Variants in BBS9 observed in about 807,000 individuals in gnomAD.
The protein encoded by BBS9 is protein PTHB1.
Under a neutral mutation model 117.7 loss-of-function variants are expected in BBS9, and 89 were observed. The ratio of observed to expected loss-of-function variants is 0.76; its 90% CI spans 0.64 to 0.90. BBS9 has a LOEUF of 0.90. Among genes scored for constraint, BBS9 ranks in the 40% least tolerant of loss-of-function variants. The pLI, the probability that BBS9 is intolerant of heterozygous loss-of-function variation, is 0.00. For synonymous variants in BBS9, 379 were observed against 370.9 expected, an observed-to-expected ratio of 1.02 and a Z score of -0.25; for missense variants, 982 against 1,042.2, an observed-to-expected ratio of 0.94 and a Z score of 0.80.
Position 33,357,975 on chromosome 7 carries a change from G to A in BBS9, c.1673G>A (p.Ser558Asn), listed in dbSNP as rs575057023. The part of the protein sequence containing the change: ...ITIDTNKSPV[S>N]LLSLFPGFAS... Reference sequence around the variant, plus strand: ...ATTGATACCAACAAATCTCCAGTCAGTCTTCTTAGTCTCTTCCCAGGTAAG... The same window carrying A: ...ATTGATACCAACAAATCTCCAGTCAATCTTCTTAGTCTCTTCCCAGGTAAG... The change falls in exon 16 of 23, where the codon AGT becomes AAT. Residue 558 changes from serine to asparagine, a missense_variant. Ser to Asn is a conservative substitution (Grantham distance 46). Coordinates refer to ENST00000242067, the MANE Select transcript of BBS9 (RefSeq NM_198428.3). 3 of 1,612,298 alleles carry A rather than the reference G, an allele frequency of 1.9e-6. No individual in the cohort carries two copies. In the African/African-American group the frequency reaches 4.0e-5, roughly 22 times the overall value.
chr7:33,279,571 A>C (rs79394847), intron 9 of BBS9, among the ~76,000 whole-genome samples: 2 of 152,168 alleles, frequency 1.3e-5, no homozygotes, highest in African/African-American at 4.8e-5. Context: ...GATCAAGTTG[A>C]TGCAATTATA....
chr7:33,317,548 G>A (rs1435557421), intron 9 of BBS9, among the ~76,000 whole-genome samples: 1 of 152,044 alleles, frequency 6.6e-6, no homozygotes, highest in East Asian at 1.9e-4. Flanking sequence ...TCGTCCATAA[G>A]GCTATTGGGG....
chr7:33,349,790 T>C (rs1818299083), intron 13 of BBS9, among the ~76,000 whole-genome samples: 1 of 152,168 alleles, frequency 6.6e-6, no homozygotes, highest in South Asian at 2.1e-4. Context: ...AGTGATCTAT[T>C]TATTGAATCG....
intron 5 of BBS9, among the ~76,000 whole-genome samples, chr7:33,198,136 A>G (rs902737166): frequency 1.7e-4 from 26 of 152,050 alleles, no homozygotes; most frequent in African/African-American, 6.0e-4. Flanking sequence ...ATTTGCGAAC[A>G]TGAACCTTTT....
intron 19 of BBS9, among the ~76,000 whole-genome samples, chr7:33,395,828 A>T (rs1471998595): frequency 6.6e-6 from 1 of 152,186 alleles, no homozygotes; most frequent in South Asian, 2.1e-4. Context: ...GATAACACAG[A>T]GGAATATATA....
At chr7:33,630,502 T>C (rs1311704854) in intron 21 of BBS9, among the ~76,000 whole-genome samples, 2 of 152,192 alleles carry the variant, frequency 1.3e-5, no homozygotes, top group Non-Finnish European at 1.5e-5. Flanking sequence ...CCCCTACCCC[T>C]GCGTCCGTTA....
chr7:33,616,016 G>C (rs1212846847), intron 21 of BBS9, among the ~76,000 whole-genome samples: 2 of 152,028 alleles, frequency 1.3e-5, no homozygotes, highest in African/African-American at 4.8e-5. Context: ...GGAATTTGTT[G>C]TCAGCAGACC....
At chr7:33,418,473 A>G (rs1023802212) in intron 19 of BBS9, among the ~76,000 whole-genome samples, 3 of 152,046 alleles carry the variant, frequency 2.0e-5, no homozygotes, top group Non-Finnish European at 2.9e-5. Context: ...TTTTTTGCCA[A>G]CCTTTGGGGC....
intron 19 of BBS9, among the ~76,000 whole-genome samples, chr7:33,398,742 A>T (rs189946405): frequency 1.3e-5 from 2 of 152,294 alleles, no homozygotes; most frequent in African/African-American, 4.8e-5. Context: ...TATTTAATTA[A>T]TTAATTTATT....
chr7:33,243,539 CTT>C (rs1232105011), intron 5 of BBS9, among the ~76,000 whole-genome samples: 4 of 152,154 alleles, frequency 2.6e-5, no homozygotes, highest in African/African-American at 4.8e-5. Flanking sequence ...TTCCAGAACT[CTT>C]AGAGTAGTGA....
At chr7:33,436,489 G>A (rs1432811194) in intron 19 of BBS9, among the ~76,000 whole-genome samples, 2 of 152,114 alleles carry the variant, frequency 1.3e-5, no homozygotes, top group African/African-American at 4.8e-5. Flanking sequence ...ATTGATACTT[G>A]TAATTACATT....
At chr7:33,529,720 A>G (rs1850272424) in intron 20 of BBS9, among the ~76,000 whole-genome samples, 1 of 151,838 alleles carries the variant, frequency 6.6e-6, no homozygotes, top group Non-Finnish European at 1.5e-5. Flanking sequence ...TGTGGATTTG[A>G]GGACTATAAC....
intron 9 of BBS9, among the ~76,000 whole-genome samples, chr7:33,313,344 T>A (rs778610681): frequency 5.4e-4 from 82 of 152,180 alleles, no homozygotes; most frequent in Admixed American, 1.7e-3. Flanking sequence ...GCTAAATAAA[T>A]ATTTTTTCAT....
At chr7:33,563,310 TG>T (rs1167809596) in intron 21 of BBS9, among the ~76,000 whole-genome samples, 2 of 152,196 alleles carry the variant, frequency 1.3e-5, no homozygotes, top group African/African-American at 2.4e-5. Flanking sequence ...CACTGGAACC[TG>T]GGATCTGGAA....
chr7:33,254,678 C>G (rs1357612047), intron 5 of BBS9, among the ~76,000 whole-genome samples: 1 of 152,106 alleles, frequency 6.6e-6, no homozygotes, highest in East Asian at 1.9e-4. Flanking sequence ...CATCCCTGAC[C>G]CCTGGTAAGC....
intron 17 of BBS9, among the ~76,000 whole-genome samples, chr7:33,368,367 AT>A (rs1432640299): frequency 6.6e-6 from 1 of 152,108 alleles, no homozygotes; most frequent in Non-Finnish European, 1.5e-5. Context: ...TAGTAACTAT[AT>A]AGTCAAGTTT....
chr7:33,532,165 C>A (rs994548092), intron 20 of BBS9, among the ~76,000 whole-genome samples: 2 of 152,184 alleles, frequency 1.3e-5, no homozygotes, highest in Non-Finnish European at 2.9e-5. Flanking sequence ...AATGCCTGAG[C>A]AAGTCATTAA....
At chr7:33,303,526 C>CA (rs1554406623) in intron 9 of BBS9, among the ~76,000 whole-genome samples, 1 of 115,544 alleles carries the variant, frequency 8.7e-6, no homozygotes, top group Admixed American at 9.3e-5. Context: ...ATCCCCTCCC[C>CA]CCGCCCCTTC....
chr7:33,213,693 G>C (rs1788487390), intron 5 of BBS9, among the ~76,000 whole-genome samples: 1 of 152,054 alleles, frequency 6.6e-6, no homozygotes, highest in South Asian at 2.1e-4. Flanking sequence ...TTATCAGCAT[G>C]TAATGAATCC....
Sources: gnomAD v4.1 joint callset for allele counts (sites outside exome capture counted in the v4.1 genomes callset) on GRCh38, gnomAD v4.1.1 for gene constraint, MANE v1.5 for transcripts, NCBI Gene and HGNC (gene_info 2026-07-23, HGNC 2026-07-21) for gene names.